The following PIBF1 variants were observed in gnomAD, a reference collection of about 807,000 sequenced individuals.
The protein encoded by PIBF1 is progesterone-induced-blocking factor 1.
Under a neutral mutation model 112.5 loss-of-function variants are expected in PIBF1, and 90 were observed. The observed-to-expected ratio is 0.80, with a 90% CI of 0.67 to 0.95. The LOEUF (loss-of-function observed/expected upper bound fraction) is 0.95. Ranked by LOEUF, PIBF1 falls within the 40% of genes least tolerant of loss-of-function variation. The pLI is 0.00. For synonymous variants in PIBF1, 301 were observed against 288.6 expected, an observed-to-expected ratio of 1.04 and a Z score of -0.44; for missense variants, 915 against 852.3, an observed-to-expected ratio of 1.07 and a Z score of -0.92.
At chr13:72,991,162 A>T (rs1455510182) in intron 16 of PIBF1, among the ~76,000 whole-genome samples, 2 of 152,222 alleles carry the variant, frequency 1.3e-5, no homozygotes, top group Non-Finnish European at 2.9e-5. Context: ...GCTGCTGTAC[A>T]GCTGAGCTGT....
chr13:72,844,499 C>T (rs1188061574), intron 9 of PIBF1, among the ~76,000 whole-genome samples: 6 of 151,910 alleles, frequency 3.9e-5, no homozygotes, highest in Admixed American at 2.0e-4. Context: ...AGCCCTTCAC[C>T]CCAACAGGCC....
intron 2 of PIBF1, among the ~76,000 whole-genome samples, chr13:72,789,296 C>G (rs1046547724): frequency 6.6e-6 from 1 of 152,070 alleles, no homozygotes; most frequent in African/African-American, 2.4e-5. Flanking sequence ...GCAATCCTCT[C>G]ATCTCAGCCT....
chr13:72,938,523 C>CT (rs2041931860), intron 14 of PIBF1, among the ~76,000 whole-genome samples: 1 of 152,174 alleles, frequency 6.6e-6, no homozygotes, highest in African/African-American at 2.4e-5. Context: ...ATTTTGCCAT[C>CT]TATCAGTGCT....
At chr13:72,892,430 G>A (rs901891800) in intron 10 of PIBF1, among the ~76,000 whole-genome samples, 12 of 151,892 alleles carry the variant, frequency 7.9e-5, no homozygotes, top group African/African-American at 2.9e-4. Flanking sequence ...TATTTTGAAT[G>A]GTATTTTCAC....
At chr13:72,877,047 A>G (rs1040604122) in intron 10 of PIBF1, among the ~76,000 whole-genome samples, 10 of 152,128 alleles carry the variant, frequency 6.6e-5, no homozygotes, top group African/African-American at 2.4e-4. Flanking sequence ...AAGTTGAGGA[A>G]CTTCCCGCTA....
chr13:72,958,596 G>A (rs55775077), intron 14 of PIBF1, among the ~76,000 whole-genome samples: 29,642 of 152,012 alleles, frequency 0.19, 3,033 homozygotes, highest in Middle Eastern at 0.26. Flanking sequence ...CCCACTGTCC[G>A]TTCCACCACA....
intron 16 of PIBF1, among the ~76,000 whole-genome samples, chr13:72,980,664 A>G (rs1053511735): frequency 6.6e-6 from 1 of 151,858 alleles, no homozygotes; most frequent in Admixed American, 6.6e-5. Flanking sequence ...GCCTGGGGGC[A>G]TGCACCTGTA....
intron 3 of PIBF1, 26 bp downstream of exon 3, chr13:72,792,573 A>T: frequency 1.7e-6 from 2 of 1,170,950 alleles, no homozygotes; most frequent in South Asian, 1.4e-5. Flanking sequence ...TTTAAAAAAA[A>T]AACAACATCT....
intron 12 of PIBF1, among the ~76,000 whole-genome samples, chr13:72,914,729 C>T (rs1222942598): frequency 6.6e-6 from 1 of 152,114 alleles, no homozygotes; most frequent in Non-Finnish European, 1.5e-5. Flanking sequence ...AGACTACAGA[C>T]ACATGCCATC....
chr13:72,910,918 G>A (rs1187995805), intron 12 of PIBF1, among the ~76,000 whole-genome samples: 1 of 152,172 alleles, frequency 6.6e-6, no homozygotes, highest in Admixed American at 6.5e-5. Context: ...AATATATTGT[G>A]AATTCTATCA....
At chr13:72,992,926 A>T (rs1392794627) in intron 16 of PIBF1, among the ~76,000 whole-genome samples, 2 of 152,264 alleles carry the variant, frequency 1.3e-5, no homozygotes, top group South Asian at 2.1e-4. Context: ...AAGGAAAAAA[A>T]TAGCAATAAA....
At chr13:72,854,318 T>C (rs1244198527) in intron 10 of PIBF1, among the ~76,000 whole-genome samples, 163 bp downstream of exon 10, 4 of 152,232 alleles carry the variant, frequency 2.6e-5, no homozygotes, top group Non-Finnish European at 5.9e-5. Context: ...TTCATTTCAA[T>C]TTCATTTCAA....
chr13:72,969,843 T>C (rs1209646456), intron 15 of PIBF1: 1 of 152,208 alleles, frequency 6.6e-6, no homozygotes, highest in Non-Finnish European at 1.5e-5. Flanking sequence ...AGCTTTGGCA[T>C]GTAGGAGAAT....
intron 17 of PIBF1, among the ~76,000 whole-genome samples, chr13:73,005,083 G>A (rs139813977): frequency 6.6e-6 from 1 of 152,196 alleles, no homozygotes; most frequent in Non-Finnish European, 1.5e-5. Flanking sequence ...GCTGAGGCAG[G>A]AGAATCACTT....
intron 11 of PIBF1, among the ~76,000 whole-genome samples, chr13:72,900,527 T>C (rs982905133): frequency 6.6e-6 from 1 of 152,174 alleles, no homozygotes; most frequent in Admixed American, 6.5e-5. Context: ...TAAATGGTGC[T>C]GGGATAATTA....
At chr13:72,895,420 A>G (rs997380841) in intron 11 of PIBF1, among the ~76,000 whole-genome samples, 23 of 151,586 alleles carry the variant, frequency 1.5e-4, no homozygotes, top group African/African-American at 5.5e-4. Context: ...AGTTTAAAAG[A>G]TATTTTATCA....
intron 17 of PIBF1, among the ~76,000 whole-genome samples, chr13:73,006,859 A>G (rs1190307059): frequency 6.6e-6 from 1 of 152,162 alleles, no homozygotes; most frequent in Non-Finnish European, 1.5e-5. Flanking sequence ...GTAACATAGT[A>G]AATTACTTCT....
chr13:72,944,823 G>A (rs2042107483), intron 14 of PIBF1, among the ~76,000 whole-genome samples: 1 of 152,058 alleles, frequency 6.6e-6, no homozygotes, highest in Non-Finnish European at 1.5e-5. Context: ...CTGGAGTGCA[G>A]TGGCATAATC....
At chr13:72,907,708 AAC>A (rs1198983728) in intron 11 of PIBF1, among the ~76,000 whole-genome samples, 1 of 152,136 alleles carries the variant, frequency 6.6e-6, no homozygotes, top group Non-Finnish European at 1.5e-5. Context: ...CCTCTCAGGA[AAC>A]AGTATATTAT....
Sources: gnomAD v4.1 joint callset for allele counts (sites outside exome capture counted in the v4.1 genomes callset) on GRCh38, gnomAD v4.1.1 for gene constraint, MANE v1.5 for transcripts, NCBI Gene and HGNC (gene_info 2026-07-23, HGNC 2026-07-21) for gene names.